The following THSD7B variants were observed in gnomAD, a reference collection of about 807,000 sequenced individuals.
THSD7B encodes thrombospondin type-1 domain-containing protein 7B.
THSD7B carries 138 observed loss-of-function variants against 213.6 expected under a neutral mutation model. That is an observed-to-expected ratio of 0.65 (90% CI 0.56 to 0.74). THSD7B has a LOEUF of 0.74. Ranked by LOEUF, THSD7B falls within the 30% of genes least tolerant of loss-of-function variation. The pLI is 0.00. For missense variants in THSD7B, 1,931 were observed against 1,991.5 expected (o/e 0.97, Z 0.58); for synonymous variants, 742 against 687.0 (o/e 1.08, Z -1.25).
chr2:136,979,641 T>C (rs1032480940), intron 2 of THSD7B, among the ~76,000 whole-genome samples: 1 of 152,224 alleles, frequency 6.6e-6, no homozygotes, highest in African/African-American at 2.4e-5. Flanking sequence ...CATTTATGTT[T>C]CTCTCTAAAC....
At chr2:136,847,373 C>G (rs1042086143) in intron 1 of THSD7B, among the ~76,000 whole-genome samples, 1 of 152,098 alleles carries the variant, frequency 6.6e-6, no homozygotes, top group African/African-American at 2.4e-5. Flanking sequence ...TTCTTAGAAT[C>G]GGGAATCCTC....
chr2:137,370,700 C>T (rs1234631110), intron 12 of THSD7B, among the ~76,000 whole-genome samples: 1 of 152,046 alleles, frequency 6.6e-6, no homozygotes, highest in East Asian at 1.9e-4. Context: ...AACTCCTGAC[C>T]TCAAGCGATC....
intron 2 of THSD7B, among the ~76,000 whole-genome samples, chr2:137,047,224 T>C (rs1686987974): frequency 6.6e-6 from 1 of 152,114 alleles, no homozygotes; most frequent in African/African-American, 2.4e-5. Flanking sequence ...ATGAAGAAAC[T>C]GGGGCAGAGT....
intron 7 of THSD7B, among the ~76,000 whole-genome samples, chr2:137,172,630 T>C (rs1471960948): frequency 6.6e-6 from 1 of 152,186 alleles, no homozygotes; most frequent in Admixed American, 6.5e-5. Flanking sequence ...AACCAATACA[T>C]GTAAAATGTT....
chr2:137,331,410 C>T (rs1684503783), intron 12 of THSD7B, among the ~76,000 whole-genome samples: 1 of 152,134 alleles, frequency 6.6e-6, no homozygotes, highest in African/African-American at 2.4e-5. Flanking sequence ...CTCACAAACC[C>T]TGAGCTAGAC....
At chr2:137,235,339 A>T (rs1255528132) in intron 9 of THSD7B, among the ~76,000 whole-genome samples, 2 of 152,158 alleles carry the variant, frequency 1.3e-5, no homozygotes, top group South Asian at 4.1e-4. Context: ...GTGATGAAAA[A>T]TTTTAGCATG....
chr2:137,150,398 A>G (rs60875372), intron 5 of THSD7B, among the ~76,000 whole-genome samples: 2,868 of 152,218 alleles, frequency 0.019, 28 homozygotes, highest in African/African-American at 0.034. Flanking sequence ...GGAGGGGCTC[A>G]GTGGGAGGTA....
chr2:137,572,721 C>G (rs1681382065), intron 17 of THSD7B, among the ~76,000 whole-genome samples, 165 bp downstream of exon 17: 1 of 152,124 alleles, frequency 6.6e-6, no homozygotes, highest in Admixed American at 6.5e-5. Context: ...AAAAAAAAGT[C>G]TGCAAGCAAG....
intron 2 of THSD7B, among the ~76,000 whole-genome samples, chr2:136,976,566 G>A (rs1236117555): frequency 6.6e-6 from 1 of 152,132 alleles, no homozygotes; most frequent in East Asian, 1.9e-4. Context: ...ACTGGATTCA[G>A]TTTGCCAGTA....
At chr2:137,343,018 T>C (rs1684796579) in intron 12 of THSD7B, among the ~76,000 whole-genome samples, 1 of 151,698 alleles carries the variant, frequency 6.6e-6, no homozygotes, top group Non-Finnish European at 1.5e-5. Flanking sequence ...TTGTCTAACT[T>C]TGATATCAGG....
At chr2:137,052,571 GT>G (rs1394950509) in intron 2 of THSD7B, among the ~76,000 whole-genome samples, 8 of 151,784 alleles carry the variant, frequency 5.3e-5, no homozygotes, top group East Asian at 3.9e-4. Flanking sequence ...TAAAAGCAAG[GT>G]TTTTTTGTAT....
intron 15 of THSD7B, among the ~76,000 whole-genome samples, chr2:137,508,005 A>G (rs1244623302): frequency 6.6e-6 from 1 of 152,220 alleles, no homozygotes; most frequent in Non-Finnish European, 1.5e-5. Context: ...TCATCTTAAA[A>G]AGTAAGAAAG....
intron 1 of THSD7B, among the ~76,000 whole-genome samples, chr2:136,851,052 A>G (rs148437423): frequency 9.5e-4 from 144 of 152,212 alleles, no homozygotes; most frequent in African/African-American, 3.3e-3. Context: ...TATTCTGGTC[A>G]TCTCACTTTT....
Position 137,211,342 on chromosome 2 carries a change from A to ACACACACACACACACACACAGAGG in THSD7B, c.1724-19682_1724-19681insGAGGCACACACACACACACACACA, listed in dbSNP as rs1553479476. Among the ~76,000 whole-genome samples the ACACACACACACACACACACAGAGG allele has an allele frequency of 4.5e-3, 520 of 115,728 alleles. 4 individuals are homozygous for ACACACACACACACACACACAGAGG. The highest frequency in any genetic ancestry group is 0.013 in the African/African-American group (417 of 33,044). 75.9% of individuals were successfully genotyped at this position (115,728 alleles called of 152,430 possible). On this transcript the variant is annotated intron_variant, in intron 7 of 27. Coordinates refer to ENST00000409968, the MANE Select transcript of THSD7B (RefSeq NM_001316349.2). Reference sequence around the variant, plus strand: ...GACTCTATCCTTCCTACACACACACACACACACACACACACACACACACGG... The same window carrying ACACACACACACACACACACAGAGG: ...GACTCTATCCTTCCTACACACACACACACACACACACACACACACAGAGGCACACACACACACACACACACACGG...
At chr2:137,591,229 A>AT (rs930163930) in intron 17 of THSD7B, among the ~76,000 whole-genome samples, 6 of 151,702 alleles carry the variant, frequency 4.0e-5, no homozygotes, top group South Asian at 2.1e-4. Context: ...TAAGGTATAC[A>AT]TTTTTTCCAA....
chr2:137,299,466 G>A (rs1573943098), intron 12 of THSD7B, among the ~76,000 whole-genome samples: 2 of 122,962 alleles, frequency 1.6e-5, no homozygotes, highest in South Asian at 6.5e-4. Flanking sequence ...GAAATGTGAG[G>A]ACATGAGATT....
Position 137,676,627 on chromosome 2 carries a change from T to C in THSD7B, c.*22T>C, listed in dbSNP as rs1413352313. On this transcript the variant is annotated 3_prime_UTR_variant, in exon 28 of 28. Coordinates refer to ENST00000409968, the MANE Select transcript of THSD7B (RefSeq NM_001316349.2). ...GTAATCTGAAAAAGAAATCCAAATG[T>C]AGACATCAACTGCCTTAACCGCTTT... The C allele has an allele frequency of 3.2e-6, 5 of 1,543,234 alleles. No individual in the cohort carries two copies.
intron 7 of THSD7B, among the ~76,000 whole-genome samples, chr2:137,180,035 A>G (rs1206835926): frequency 1.3e-5 from 2 of 152,142 alleles, no homozygotes; most frequent in Non-Finnish European, 2.9e-5. Flanking sequence ...TTTATAGGTT[A>G]TTGGTTCAGA....
chr2:137,413,768 G>T (rs184318170), intron 14 of THSD7B, among the ~76,000 whole-genome samples: 300 of 152,272 alleles, frequency 2.0e-3, no homozygotes, highest in African/African-American at 7.1e-3. Flanking sequence ...CATCAGCTTG[G>T]AAGTGGGGTA....
Sources: gnomAD v4.1 joint callset for allele counts (sites outside exome capture counted in the v4.1 genomes callset) on GRCh38, gnomAD v4.1.1 for gene constraint, MANE v1.5 for transcripts, NCBI Gene and HGNC (gene_info 2026-07-23, HGNC 2026-07-21) for gene names.